The following PCDH15 variants were observed in gnomAD, a reference collection of about 807,000 sequenced individuals.
PCDH15 encodes protocadherin related 15.
PCDH15 carries 129 observed loss-of-function variants against 178.5 expected under a neutral mutation model. The observed-to-expected ratio is 0.72, with a 90% confidence interval of 0.63 to 0.84. The LOEUF (loss-of-function observed/expected upper bound fraction) is 0.84, where lower values mean the gene tolerates loss of function less well. Among genes scored for constraint, PCDH15 ranks in the 40% least tolerant of loss-of-function variants. The pLI, the probability that PCDH15 is intolerant of heterozygous loss-of-function variation, is 0.00. For synonymous variants in PCDH15, 800 were observed against 732.0 expected (o/e 1.09, Z -1.50); for missense variants, 2,230 against 2,099.9 (o/e 1.06, Z -1.21).
chr10:54,657,537 C>G (rs1346143196), intron 2 of PCDH15, among the ~76,000 whole-genome samples: 1 of 152,146 alleles, frequency 6.6e-6, no homozygotes, highest in Admixed American at 6.5e-5. Context: ...GAGATAGTGT[C>G]AGCTGACACA....
At chr10:54,539,384 A>T (rs1407565261) in intron 2 of PCDH15, among the ~76,000 whole-genome samples, 1 of 152,228 alleles carries the variant, frequency 6.6e-6, no homozygotes, top group South Asian at 2.1e-4. Context: ...AGAACAAAGA[A>T]GGGCATTACA....
intron 2 of PCDH15, among the ~76,000 whole-genome samples, chr10:55,071,291 GACACA>G (rs1174477839): frequency 2.2e-4 from 9 of 40,872 alleles, no homozygotes; most frequent in Non-Finnish European, 5.3e-4. Flanking sequence ...CCAATTAAAA[GACACA>G]GACTGGCAAA....
rs532233349 is a variant in PCDH15 at position 55,037,828 on chromosome 10, T to C, written c.-80+128748A>G. Among the ~76,000 whole-genome samples the C allele has an allele frequency of 6.6e-5, 10 of 152,344 alleles. No homozygotes were observed. The South Asian group carries it at 1.4e-3, about 22-fold the overall frequency. ...GCATTAAGGTAATTATCTGTCATCT[T>C]AAATGTAATATCTTTATTCTTATCA... is the stretch of plus-strand genomic sequence containing the variant. On this transcript the variant is annotated intron_variant, in intron 2 of 5. Coordinates refer to the PCDH15 transcript ENST00000458638.
At chr10:55,454,336 A>C (rs531478292) in intron 2 of PCDH15, among the ~76,000 whole-genome samples, 1 of 152,260 alleles carries the variant, frequency 6.6e-6, no homozygotes, top group African/African-American at 2.4e-5. Flanking sequence ...CTTAAATACA[A>C]AGTAAGTTCA....
chr10:53,988,899 G>GA (rs1307005840), intron 21 of PCDH15, among the ~76,000 whole-genome samples: 1 of 151,658 alleles, frequency 6.6e-6, no homozygotes, highest in African/African-American at 2.4e-5. Context: ...GTTTAATTGA[G>GA]AAAAGAAAAA....
chr10:55,120,398 A>G (rs1198902855), intron 2 of PCDH15, among the ~76,000 whole-genome samples: 1 of 152,166 alleles, frequency 6.6e-6, no homozygotes, highest in East Asian at 1.9e-4. Context: ...TTGGAATTCC[A>G]GGAGATGAGA....
chr10:54,616,333 G>A (rs1186458653), intron 2 of PCDH15, among the ~76,000 whole-genome samples: 1 of 151,960 alleles, frequency 6.6e-6, no homozygotes, highest in Non-Finnish European at 1.5e-5. Context: ...TGGAAAATTA[G>A]GTCAGGTATA....
intron 15 of PCDH15, among the ~76,000 whole-genome samples, chr10:54,111,197 A>G (rs2095017022): frequency 6.6e-6 from 1 of 152,224 alleles, no homozygotes; most frequent in Non-Finnish European, 1.5e-5. Context: ...TAGCTTCAAG[A>G]CATGCAATAA....
chr10:53,879,053 G>C (rs2080494790), intron 26 of PCDH15, among the ~76,000 whole-genome samples: 1 of 152,046 alleles, frequency 6.6e-6, no homozygotes, highest in Admixed American at 6.6e-5. Flanking sequence ...TTACTACTGA[G>C]ATCTTTGAAT....
At chr10:54,449,598 T>C (rs1436996985) in intron 3 of PCDH15, among the ~76,000 whole-genome samples, 1 of 151,838 alleles carries the variant, frequency 6.6e-6, no homozygotes, top group African/African-American at 2.4e-5. Context: ...AAAACTGAAC[T>C]GTAGGTTTTG....
intron 1 of PCDH15, among the ~76,000 whole-genome samples, chr10:54,756,708 G>C (rs909647121): frequency 4.6e-5 from 4 of 86,932 alleles, no homozygotes; most frequent in Non-Finnish European, 9.7e-5. Flanking sequence ...CTGTCTGTCT[G>C]TATGTATGTG....
At chr10:55,102,036 C>G (rs1387854362) in intron 2 of PCDH15, among the ~76,000 whole-genome samples, 1 of 151,746 alleles carries the variant, frequency 6.6e-6, no homozygotes, top group Non-Finnish European at 1.5e-5. Flanking sequence ...TTTTCAACTT[C>G]CTTATATTTT....
At chr10:54,466,571 T>A (rs1377811953) in intron 3 of PCDH15, among the ~76,000 whole-genome samples, 3 of 152,042 alleles carry the variant, frequency 2.0e-5, no homozygotes, top group Non-Finnish European at 4.4e-5. Flanking sequence ...GCTGTTTTGG[T>A]TGCTATAGCC....
At chr10:54,156,653 A>G (rs1389072932) in intron 13 of PCDH15, among the ~76,000 whole-genome samples, 1 of 152,124 alleles carries the variant, frequency 6.6e-6, no homozygotes, top group Admixed American at 6.5e-5. Flanking sequence ...TCCCAAATCT[A>G]ATGTTCTCAC....
intron 1 of PCDH15, among the ~76,000 whole-genome samples, chr10:55,206,809 A>G (rs867605354): frequency 2.0e-5 from 3 of 152,242 alleles, no homozygotes; most frequent in Middle Eastern, 3.4e-3. Flanking sequence ...TATGGAATCA[A>G]AGTTATTGCC....
At chr10:54,859,668 T>C (rs2131778635) in intron 3 of PCDH15, among the ~76,000 whole-genome samples, 1 of 152,080 alleles carries the variant, frequency 6.6e-6, no homozygotes, top group East Asian at 2.0e-4. Flanking sequence ...ACTTTTGATA[T>C]AAGTGTATCT....
intron 8 of PCDH15, among the ~76,000 whole-genome samples, chr10:54,288,330 C>A (rs7094438): frequency 0.53 from 80,016 of 151,770 alleles, 22,030 homozygotes; most frequent in African/African-American, 0.64. Flanking sequence ...TAAATAAATA[C>A]ATAAATAAGA....
At chr10:55,397,742 C>A (rs765418643) in intron 2 of PCDH15, among the ~76,000 whole-genome samples, 2 of 151,964 alleles carry the variant, frequency 1.3e-5, no homozygotes, top group African/African-American at 4.8e-5. Flanking sequence ...TGTGCCACCA[C>A]GCCTGGCTAA....
intron 1 of PCDH15, among the ~76,000 whole-genome samples, chr10:54,785,790 A>T (rs541085551): frequency 2.3e-4 from 35 of 151,420 alleles, no homozygotes; most frequent in African/African-American, 6.8e-4. Context: ...AGAGACAGAC[A>T]TTTTTTTTTA....
Sources: gnomAD v4.1 joint callset for allele counts (sites outside exome capture counted in the v4.1 genomes callset) on GRCh38, gnomAD v4.1.1 for gene constraint, MANE v1.5 for transcripts, NCBI Gene and HGNC (gene_info 2026-07-23, HGNC 2026-07-21) for gene names.